CELF2: variants seen among roughly 807,000 people sequenced by gnomAD.
The protein encoded by CELF2 is CUGBP Elav-like family member 2.
CELF2 carries 8 observed loss-of-function variants against 62.6 expected under a neutral mutation model. The ratio of observed to expected loss-of-function variants is 0.13; its 90% CI spans 0.07 to 0.23. CELF2 has a LOEUF of 0.23. CELF2 is among the 10% of genes least tolerant of loss of function. The pLI, the probability that CELF2 is intolerant of heterozygous loss-of-function variation, is 1.00. For missense variants in CELF2, 333 were observed against 671.0 expected, an observed-to-expected ratio of 0.50 and a Z score of 5.56; for synonymous variants, 258 against 250.0, an observed-to-expected ratio of 1.03 and a Z score of -0.30.
intron 2 of CELF2, chr10:10,970,561 A>C (rs1198526383): frequency 6.6e-6 from 1 of 152,216 alleles, no homozygotes; most frequent in Non-Finnish European, 1.5e-5. Context: ...CTTGCTTTGA[A>C]TTGCACAGAC....
the CELF2 span, chr10:10,792,571 C>A: frequency 5.1e-6 from 2 of 395,122 alleles, no homozygotes; most frequent in South Asian, 2.7e-4. Flanking sequence ...AGCTGCCATT[C>A]AAAGAAAAAC....
At chr10:10,552,530 C>A in the CELF2 span, among the ~76,000 whole-genome samples, 3 of 152,192 alleles carry the variant, frequency 2.0e-5, no homozygotes, top group East Asian at 5.8e-4. Context: ...TCTACCAGGC[C>A]AGGAAGGATA....
the CELF2 span, among the ~76,000 whole-genome samples, chr10:10,696,255 C>CCCTG: frequency 6.6e-6 from 1 of 151,828 alleles, no homozygotes; most frequent in East Asian, 1.9e-4. Context: ...TGTTGGAGTA[C>CCCTG]CCTGCCGTGT....
At chr10:10,574,872 G>GC in the CELF2 span, among the ~76,000 whole-genome samples, 16,331 of 103,808 alleles carry the variant, frequency 0.16, 2,314 homozygotes, top group East Asian at 0.26. Flanking sequence ...ACCATGCCTG[G>GC]TTTTTTTTTT....
the CELF2 span, among the ~76,000 whole-genome samples, chr10:10,666,234 A>G: frequency 6.6e-6 from 1 of 152,152 alleles, no homozygotes; most frequent in Non-Finnish European, 1.5e-5. Flanking sequence ...AAAAACAGCT[A>G]CTGAATGTGC....
chr10:11,114,314 G>C (rs1269507018), intron 1 of CELF2, among the ~76,000 whole-genome samples: 1 of 152,122 alleles, frequency 6.6e-6, no homozygotes, highest in Non-Finnish European at 1.5e-5. Context: ...AAGCATAATA[G>C]GTCAATAGTA....
At chr10:11,107,759 C>A (rs1413374081) in intron 1 of CELF2, among the ~76,000 whole-genome samples, 2 of 150,676 alleles carry the variant, frequency 1.3e-5, no homozygotes, top group Non-Finnish European at 3.0e-5. Context: ...TCTCTCATTC[C>A]CCCTTTTGCT....
intron 5 of CELF2, among the ~76,000 whole-genome samples, chr10:11,264,296 A>G (rs190586697): frequency 2.4e-4 from 37 of 152,362 alleles, no homozygotes; most frequent in Admixed American, 2.2e-3. Context: ...AAAGTTCTGC[A>G]TATATGAAAT....
At chr10:10,887,805 C>T (rs1008864095) in intron 1 of CELF2, among the ~76,000 whole-genome samples, 2 of 150,712 alleles carry the variant, frequency 1.3e-5, no homozygotes, top group Non-Finnish European at 2.9e-5. Context: ...CAAAGTCTCG[C>T]TCTGTCGCCA....
intron 8 of CELF2, among the ~76,000 whole-genome samples, chr10:11,276,660 A>G (rs2086244056): frequency 1.3e-5 from 2 of 152,228 alleles, no homozygotes; most frequent in African/African-American, 4.8e-5. Context: ...ATCTGAAATT[A>G]GGGGCTTTCC....
At chr10:10,543,278 T>G in the CELF2 span, among the ~76,000 whole-genome samples, 3 of 152,052 alleles carry the variant, frequency 2.0e-5, no homozygotes, top group African/African-American at 7.2e-5. Flanking sequence ...GCTAAAGAAG[T>G]GGAGAATGTT....
chr10:10,749,235 T>G, the CELF2 span, among the ~76,000 whole-genome samples: 2 of 152,206 alleles, frequency 1.3e-5, no homozygotes, highest in East Asian at 1.9e-4. Context: ...TGATTCTAGA[T>G]CTACAGGATA....
chr10:10,552,847 T>C, the CELF2 span, among the ~76,000 whole-genome samples: 1 of 152,172 alleles, frequency 6.6e-6, no homozygotes, highest in Admixed American at 6.5e-5. Flanking sequence ...TAAACAGACA[T>C]GTATTTCTCA....
At chr10:11,284,370 GTGTGGTGGGTGGATGA>G (rs2139412236) in intron 8 of CELF2, among the ~76,000 whole-genome samples, 2 of 148,962 alleles carry the variant, frequency 1.3e-5, no homozygotes, top group South Asian at 2.1e-4. Flanking sequence ...AGGGATGAGT[GTGTGGTGGGTGGATGA>G]CGGAGGGGTG....
At chr10:10,588,393 C>A in the CELF2 span, among the ~76,000 whole-genome samples, 1 of 152,190 alleles carries the variant, frequency 6.6e-6, no homozygotes, top group African/African-American at 2.4e-5. Context: ...GTCACTTACT[C>A]CTCTGGGCCT....
chr10:10,763,781 G>A, the CELF2 span, among the ~76,000 whole-genome samples: 1 of 152,198 alleles, frequency 6.6e-6, no homozygotes, highest in Non-Finnish European at 1.5e-5. Context: ...TATTCAAAAT[G>A]CAAAATTGGA....
At position 11,008,095 on chromosome 10, in the gene CELF2, A is replaced by G. The variant is rs2055639827; in HGVS notation, c.53+2655A>G. 6.6e-6 allele frequency among the ~76,000 whole-genome samples: 1 copy of G among 152,170 alleles called. No individual in the cohort carries two copies. Among genetic ancestry groups the G allele is most frequent in the Non-Finnish European group, 1.5e-5 (1 of 68,030 alleles). On this transcript the variant is annotated intron_variant, in intron 1 of 12. Transcript: ENST00000416382. This position sits in a 1 kb window ranked among gnomAD's most constrained non-coding sequence, Gnocchi z 4.5. ...GCCCGAAGCTGGCAAACTTGTCTAC[A>G]TCTATTTCCACAACAGGAACAGGAT...
chr10:11,189,922 A>G (rs935425160), intron 2 of CELF2, among the ~76,000 whole-genome samples: 1 of 151,976 alleles, frequency 6.6e-6, no homozygotes, highest in Non-Finnish European at 1.5e-5. Flanking sequence ...CATTCCCTTC[A>G]TTACCTTCAT....
rs1177369931 is a variant in CELF2, at chr10:11,220,042, T to C, written c.354+2535T>C. On this transcript the variant is annotated intron_variant, in intron 3 of 12. Coordinates refer to ENST00000633077, the MANE Select transcript of CELF2 (RefSeq NM_001326342.2). This position sits in a 1 kb window ranked among gnomAD's most constrained non-coding sequence, Gnocchi z 4.4. The stretch of plus-strand genomic sequence containing the variant: ...TTAATAAGAAATTAATGATGCACTT[T>C]GCCATATGCCTTCAATTTCTTTCTG... 6.6e-6 allele frequency among the ~76,000 whole-genome samples: 1 copy of C among 152,244 alleles called. No individual in the cohort carries two copies.
Sources: allele counts gnomAD v4.1 joint callset (sites outside exome capture counted in the v4.1 genomes callset), GRCh38; gene constraint gnomAD v4.1.1; non-coding constraint Gnocchi (gnomAD v3.1); transcripts MANE v1.5; gene names NCBI Gene and HGNC (gene_info 2026-07-23, HGNC 2026-07-21).